EPB41L4B: variants seen among roughly 807,000 people sequenced by gnomAD.
EPB41L4B encodes erythrocyte membrane protein band 4.1 like 4B.
Under a neutral mutation model 112.5 loss-of-function variants are expected in EPB41L4B, and 30 were observed. The observed-to-expected ratio is 0.27, with a 90% confidence interval of 0.20 to 0.36. EPB41L4B has a LOEUF of 0.36. Ranked by LOEUF, EPB41L4B falls within the 10% of genes least tolerant of loss-of-function variation. EPB41L4B has a pLI of 1.00. For synonymous variants in EPB41L4B, 408 were observed against 439.7 expected (o/e 0.93, Z 0.90); for missense variants, 1,024 against 1,133.3 (o/e 0.90, Z 1.38).
chr9:109,248,008 C>T (rs1235727646), intron 13 of EPB41L4B, among the ~76,000 whole-genome samples: 3 of 152,186 alleles, frequency 2.0e-5, no homozygotes, highest in Non-Finnish European at 4.4e-5. Context: ...TTTTAGAGCT[C>T]ACAAACAGAA....
intron 9 of EPB41L4B, 28 bp downstream of exon 9, chr9:109,256,107 AT>A (rs745438430): frequency 6.3e-7 from 1 of 1,578,738 alleles, no homozygotes; most frequent in Non-Finnish European, 8.7e-7. Flanking sequence ...AGGAAAAGAC[AT>A]TTTTAATATT....
At chr9:109,279,697 T>C in intron 2 of EPB41L4B, 120 bp downstream of exon 2, 1 of 818,502 alleles carries the variant, frequency 1.2e-6, no homozygotes. Context: ...CCAATGCCTG[T>C]TACTGGCACA....
rs1831660441 is a variant in EPB41L4B at position 109,172,333 on chromosome 9, G to C, written c.*2221C>G. The C allele has an allele frequency of 6.6e-6, 1 of 152,192 alleles. No individual in the cohort carries two copies. Among genetic ancestry groups the C allele is most frequent in the East Asian group, 1.9e-4 (1 of 5,198 alleles). The allele number at this position is 152,192 out of a possible 1,614,324, so 9.4% of individuals were successfully genotyped here. A position where few individuals can be genotyped will look rare whatever the true frequency, so the allele number is the denominator to read the frequency against. ...AGAAAGCAGGTTAGAAGAGGAAGAGGGTGCTGGGTTGGCAAGAAGTGACAG... is the reference window on the plus strand; with the variant it reads ...AGAAAGCAGGTTAGAAGAGGAAGAGCGTGCTGGGTTGGCAAGAAGTGACAG... On this transcript the variant is annotated 3_prime_UTR_variant, in exon 26 of 26. Transcript: ENST00000374566.
intron 6 of EPB41L4B, among the ~76,000 whole-genome samples, chr9:109,260,352 G>A (rs1835152198): frequency 1.3e-5 from 2 of 151,094 alleles, no homozygotes; most frequent in East Asian, 2.0e-4. Flanking sequence ...TTACAGGCAT[G>A]AGCCACCATG....
chr9:109,192,183 C>T, intron 22 of EPB41L4B, 95 bp downstream of exon 22: 3 of 995,926 alleles, frequency 3.0e-6, no homozygotes, highest in East Asian at 5.0e-5. Context: ...GAAGAGGCTC[C>T]TCAACAGCAA....
At chr9:109,240,361 A>C in intron 15 of EPB41L4B, 11 of 985,434 alleles carry the variant, frequency 1.1e-5, no homozygotes, top group Non-Finnish European at 1.3e-5. Context: ...TGCAGCTGAT[A>C]CCTTCTTGCT....
intron 1 of EPB41L4B, among the ~76,000 whole-genome samples, chr9:109,304,166 A>G (rs774406962): frequency 5.3e-5 from 8 of 152,202 alleles, no homozygotes; most frequent in Non-Finnish European, 1.0e-4. Flanking sequence ...CCAAGTAAAG[A>G]TACATAAAGT....
At chr9:109,258,071 T>C in intron 7 of EPB41L4B, 106 bp downstream of exon 7, 2 of 1,274,750 alleles carry the variant, frequency 1.6e-6, no homozygotes, top group Non-Finnish European at 2.2e-6. Context: ...GCTGCAGTTT[T>C]ATGGCCATCA....
In EPB41L4B at chr9:109,217,057, C is replaced by G; in HGVS notation, c.1498G>C (p.Ala500Pro). 1 of 1,614,214 alleles carries G rather than the reference C, an allele frequency of 6.2e-7. No homozygotes were observed. The highest frequency in any genetic ancestry group is 2.2e-5 in the East Asian group (1 of 44,874). The change falls in exon 16 of 26, where the codon GCT (alanine) becomes CCT (proline). Residue 500 changes from alanine to proline, a missense_variant. By Grantham distance (27) the Ala-to-Pro change is conservative (BLOSUM62 -1). Transcript: ENST00000374566. ...ENGGTPFLTA[A>P]SGRHHHQHQH... ...TGCTGGTGGTGATGCCTTCCTGAAG[C>G]TGCGGTGAGGAACGGTGTGCCCCCA...
chr9:109,276,011 CTTAGGATCTAAAT>C, intron 2 of EPB41L4B, among the ~76,000 whole-genome samples: 1 of 149,600 alleles, frequency 6.7e-6, no homozygotes, highest in South Asian at 2.1e-4. Context: ...GGTCCTAAGT[CTTAGGATCTAAAT>C]TTAAAGTTTT....
intron 1 of EPB41L4B, among the ~76,000 whole-genome samples, chr9:109,294,434 G>C (rs1836655669): frequency 1.3e-5 from 2 of 152,048 alleles, no homozygotes; most frequent in South Asian, 4.2e-4. Context: ...CTGGGAAACA[G>C]TGAGACCTGA....
At chr9:109,263,463 C>CT (rs1272304456) in intron 5 of EPB41L4B, among the ~76,000 whole-genome samples, 1 of 152,186 alleles carries the variant, frequency 6.6e-6, no homozygotes, top group East Asian at 1.9e-4. Flanking sequence ...GTACATGCAT[C>CT]TTTTTTAAAG....
At chr9:109,183,366 G>A (rs568766837) in intron 23 of EPB41L4B, among the ~76,000 whole-genome samples, 28 of 152,274 alleles carry the variant, frequency 1.8e-4, no homozygotes, top group Admixed American at 5.2e-4. Context: ...AGGGAAACCC[G>A]TGGAAGCATG....
At chr9:109,243,409 AT>A (rs1834424535) in intron 15 of EPB41L4B, among the ~76,000 whole-genome samples, 1 of 152,136 alleles carries the variant, frequency 6.6e-6, no homozygotes. Flanking sequence ...AAATCAATTC[AT>A]TTTTTATTTC....
chr9:109,250,447 C>T (rs565464997), intron 13 of EPB41L4B, among the ~76,000 whole-genome samples: 18 of 152,336 alleles, frequency 1.2e-4, no homozygotes, highest in African/African-American at 4.3e-4. Context: ...AGACCTGCGC[C>T]TGGGATGACT....
chr9:109,244,159 G>A (rs933472436), intron 14 of EPB41L4B, among the ~76,000 whole-genome samples: 2 of 152,212 alleles, frequency 1.3e-5, no homozygotes, highest in African/African-American at 4.8e-5. Flanking sequence ...GATGCTAAGT[G>A]AAGCAGCAGG....
At chr9:109,282,973 C>G (rs1038073139) in intron 1 of EPB41L4B, among the ~76,000 whole-genome samples, 2 of 151,930 alleles carry the variant, frequency 1.3e-5, no homozygotes, top group Non-Finnish European at 2.9e-5. Flanking sequence ...TGAGCCACCG[C>G]GCCCGGCCAA....
intron 1 of EPB41L4B, among the ~76,000 whole-genome samples, chr9:109,297,665 G>A (rs1836788432): frequency 1.3e-5 from 2 of 152,340 alleles, no homozygotes; most frequent in South Asian, 2.1e-4. Context: ...CAGAGGCCTC[G>A]CTGCGTGGCA....
At chr9:109,213,627 G>T in intron 17 of EPB41L4B, 73 bp downstream of exon 17, 1 of 1,275,908 alleles carries the variant, frequency 7.8e-7, no homozygotes, top group Non-Finnish European at 1.1e-6. Context: ...TTAGCAGGCA[G>T]GCTAGGGTAG....
Sources: allele counts gnomAD v4.1 joint callset (sites outside exome capture counted in the v4.1 genomes callset), GRCh38; gene constraint gnomAD v4.1.1; transcripts MANE v1.5; gene names NCBI Gene and HGNC (gene_info 2026-07-23, HGNC 2026-07-21).